The following MCTP1 variants were observed in gnomAD, a reference collection of about 807,000 sequenced individuals.
MCTP1 encodes multiple C2 and transmembrane domain-containing protein 1.
Under a neutral mutation model 120.6 loss-of-function variants are expected in MCTP1, and 69 were observed. The observed-to-expected ratio is 0.57, with a 90% CI of 0.47 to 0.70. The LOEUF (loss-of-function observed/expected upper bound fraction) is 0.70. Ranked by LOEUF, MCTP1 falls within the 30% of genes least tolerant of loss-of-function variation. MCTP1 has a pLI of 0.00. For missense variants in MCTP1, 1,203 were observed against 1,248.8 expected, an observed-to-expected ratio of 0.96 and a Z score of 0.55; for synonymous variants, 529 against 493.1, an observed-to-expected ratio of 1.07 and a Z score of -0.96.
At chr5:95,172,384 T>C (rs1339729109) in intron 1 of MCTP1, among the ~76,000 whole-genome samples, 2 of 152,188 alleles carry the variant, frequency 1.3e-5, no homozygotes, top group East Asian at 1.9e-4. Context: ...AGTCTGTCCG[T>C]TCTCAGATCT....
At chr5:95,125,021 T>G (rs1758517952) in intron 1 of MCTP1, among the ~76,000 whole-genome samples, 1 of 152,218 alleles carries the variant, frequency 6.6e-6, no homozygotes, top group African/African-American at 2.4e-5. Context: ...AAAAATAAAG[T>G]GTAATGGACT....
At chr5:94,961,824 T>C (rs1054400813) in intron 2 of MCTP1, among the ~76,000 whole-genome samples, 2 of 152,194 alleles carry the variant, frequency 1.3e-5, no homozygotes, top group Admixed American at 1.3e-4. Flanking sequence ...AATTAATAAC[T>C]ATAGTCTATA....
At chr5:95,222,203 GATGGC>G (rs1753769743) in intron 1 of MCTP1, among the ~76,000 whole-genome samples, 1 of 152,200 alleles carries the variant, frequency 6.6e-6, no homozygotes, top group African/African-American at 2.4e-5. Flanking sequence ...AGCAGTCCCT[GATGGC>G]TGCCTGCCTT....
At chr5:94,891,729 C>G (rs1276595661) in intron 11 of MCTP1, among the ~76,000 whole-genome samples, 5 of 148,332 alleles carry the variant, frequency 3.4e-5, no homozygotes, top group African/African-American at 1.3e-4. Flanking sequence ...AGTGACACAT[C>G]GATTATAATA....
At chr5:95,215,629 C>T (rs1752957812) in intron 1 of MCTP1, among the ~76,000 whole-genome samples, 1 of 151,442 alleles carries the variant, frequency 6.6e-6, no homozygotes, top group Admixed American at 6.6e-5. Context: ...TTATTTTTTT[C>T]TTTTTAGCCT....
chr5:94,777,909 T>C (rs1241417807), intron 19 of MCTP1, among the ~76,000 whole-genome samples: 2 of 143,448 alleles, frequency 1.4e-5, no homozygotes, highest in Admixed American at 1.4e-4. Context: ...GAAATAGCGT[T>C]AGAAGGGAGA....
intron 1 of MCTP1, among the ~76,000 whole-genome samples, chr5:95,023,587 C>T (rs1838620052): frequency 6.6e-6 from 1 of 152,174 alleles, no homozygotes; most frequent in South Asian, 2.1e-4. Context: ...GATCGCCCAA[C>T]TCCATAAAAG....
At chr5:95,266,902 T>C (rs145537479) in intron 1 of MCTP1, among the ~76,000 whole-genome samples, 2 of 152,356 alleles carry the variant, frequency 1.3e-5, no homozygotes, top group East Asian at 3.9e-4. Flanking sequence ...ATTTTGATTG[T>C]GTGACAGACT....
intron 2 of MCTP1, among the ~76,000 whole-genome samples, chr5:95,012,181 A>G (rs1046281248): frequency 5.3e-5 from 8 of 152,134 alleles, no homozygotes; most frequent in Non-Finnish European, 1.0e-4. Flanking sequence ...ATATATATTA[A>G]TAAAAATCAT....
chr5:94,763,751 G>C (rs1250992660), intron 19 of MCTP1, among the ~76,000 whole-genome samples: 1 of 152,112 alleles, frequency 6.6e-6, no homozygotes, highest in Non-Finnish European at 1.5e-5. Context: ...TAGCAAAACA[G>C]TTCAACCTTT....
At chr5:94,715,613 A>G (rs1172704437) in intron 19 of MCTP1, among the ~76,000 whole-genome samples, 1 of 152,118 alleles carries the variant, frequency 6.6e-6, no homozygotes, top group African/African-American at 2.4e-5. Context: ...ATGGATGGGT[A>G]GAGATTGAGC....
chr5:95,117,111 T>G (rs543696640), intron 1 of MCTP1, among the ~76,000 whole-genome samples: 1 of 152,028 alleles, frequency 6.6e-6, no homozygotes, highest in East Asian at 1.9e-4. Flanking sequence ...AAAGAAGACA[T>G]TCACACAGCC....
At chr5:95,170,587 G>A (rs1322909324) in intron 1 of MCTP1, among the ~76,000 whole-genome samples, 1 of 151,980 alleles carries the variant, frequency 6.6e-6, no homozygotes, top group Non-Finnish European at 1.5e-5. Context: ...TATGAATCTG[G>A]GTGCTCCTGT....
chr5:94,861,677 C>T lies in MCTP1; in HGVS notation c.2436+6656G>A, dbSNP rs556857479. ...ATTTGCTCAGCATGTCTGTCCTTTA[C>T]GATTGAAATCACAATTGCAAAGTAG... On this transcript the variant is annotated intron_variant, in intron 17 of 22. Transcript: ENST00000515393. Among the ~76,000 whole-genome samples the T allele has an allele frequency of 1.5e-3, 226 of 151,874 alleles. 1 individual carries two copies. The highest frequency in any genetic ancestry group is 5.1e-3 in the African/African-American group (210 of 41,506).
chr5:95,106,420 CAGAAAG>C (rs939935470), intron 1 of MCTP1, among the ~76,000 whole-genome samples: 5 of 152,116 alleles, frequency 3.3e-5, no homozygotes, highest in Non-Finnish European at 7.3e-5. Context: ...GACCCCAGAG[CAGAAAG>C]AGAAAGGGAG....
At chr5:95,218,769 G>A (rs1397967751) in intron 1 of MCTP1, among the ~76,000 whole-genome samples, 2 of 152,124 alleles carry the variant, frequency 1.3e-5, no homozygotes, top group Admixed American at 6.5e-5. Context: ...CCTACTATAC[G>A]CCTAGGCTGG....
At chr5:94,888,724 T>C in intron 12 of MCTP1, 155 bp downstream of exon 12, 1 of 509,426 alleles carries the variant, frequency 2.0e-6, no homozygotes, top group Non-Finnish European at 3.5e-6. Flanking sequence ...ACTATAAAAA[T>C]CAGGGGGTTG....
chr5:95,259,502 T>A (rs1758254718), intron 1 of MCTP1, among the ~76,000 whole-genome samples: 1 of 152,202 alleles, frequency 6.6e-6, no homozygotes. Context: ...GCCAGACAAC[T>A]GTCAACACAT....
chr5:94,877,332 C>T (rs1304931973), intron 12 of MCTP1, among the ~76,000 whole-genome samples: 1 of 151,984 alleles, frequency 6.6e-6, no homozygotes, highest in African/African-American at 2.4e-5. Context: ...AAAAATATTA[C>T]ATGAAGACTC....
Sources: allele counts gnomAD v4.1 joint callset (sites outside exome capture counted in the v4.1 genomes callset), GRCh38; gene constraint gnomAD v4.1.1; transcripts MANE v1.5; gene names NCBI Gene and HGNC (gene_info 2026-07-23, HGNC 2026-07-21).